Variants in BRD4 observed in about 807,000 individuals in gnomAD.
BRD4 encodes the protein bromodomain-containing protein 4.
Under a neutral mutation model 142.1 loss-of-function variants are expected in BRD4, and 16 were observed. The observed-to-expected ratio is 0.11, with a 90% CI of 0.08 to 0.17. The LOEUF (loss-of-function observed/expected upper bound fraction) is 0.17. Among genes scored for constraint, BRD4 ranks in the 10% least tolerant of loss-of-function variants. BRD4 has a pLI of 1.00. For missense variants in BRD4, 1,424 were observed against 1,810.9 expected (o/e 0.79, Z 3.88); for synonymous variants, 833 against 707.5 (o/e 1.18, Z -2.82).
At position 15,238,261 on chromosome 19, in the gene BRD4, A is replaced by G; in HGVS notation, c.*116T>C. 6.6e-7 allele frequency: 1 copy of G among 1,513,950 alleles called. No homozygotes were observed. 93.8% of individuals were successfully genotyped at this position (1,513,950 alleles called of 1,614,324 possible). ...GCCTGCCCCGGGCATAGCATGCAGGAGGGCCAGGCCCTGAGGCATCCCCTG... is the reference window on the plus strand; with the variant it reads ...GCCTGCCCCGGGCATAGCATGCAGGGGGGCCAGGCCCTGAGGCATCCCCTG... On this transcript the variant is annotated 3_prime_UTR_variant, in exon 20 of 20. Coordinates refer to ENST00000679869, the MANE Select transcript of BRD4 (RefSeq NM_001379291.1). This position sits in a 1 kb window ranked among gnomAD's most constrained non-coding sequence, Gnocchi z 7.2.
intron 7 of BRD4, chr19:15,257,433 G>A: frequency 1.9e-6 from 1 of 523,870 alleles, no homozygotes; most frequent in East Asian, 3.2e-5. Context: ...CTCCCTGGAG[G>A]ACACCGCCCA....
chr19:15,301,733 C>T (rs978126580), intron 1 of BRD4, among the ~76,000 whole-genome samples: 28 of 151,380 alleles, frequency 1.8e-4, no homozygotes, highest in Admixed American at 1.1e-3. Context: ...TGGTGGTGGG[C>T]GCCTGTAGTC....
rs768748387 is a variant in BRD4 at position 15,244,533 on chromosome 19, G to A, written c.2279C>T (p.Pro760Leu). The change falls in exon 13 of 20, where the codon CCT becomes CTT. Residue 760 changes from proline (P) to leucine (L), a missense_variant. Transcript: ENST00000679869. ...PAPVPQQPPP[P>L]PQQPPPPPPP... is the part of the protein sequence containing the mutation. ...TGGAGGCGGTGGGGGCTGCTGGGGAGGCGGGGGCGGCTGCTGGGGCACAGG... is the reference window on the plus strand; with the variant it reads ...TGGAGGCGGTGGGGGCTGCTGGGGAAGCGGGGGCGGCTGCTGGGGCACAGG... 30 of 1,573,868 alleles carry A rather than the reference G, an allele frequency of 1.9e-5. No individual in the cohort carries two copies. The highest frequency in any genetic ancestry group is 4.6e-5 in the East Asian group (2 of 43,436).
chr19:15,293,608 C>T (rs1282199939), intron 1 of BRD4, among the ~76,000 whole-genome samples: 2 of 152,144 alleles, frequency 1.3e-5, no homozygotes, highest in Non-Finnish European at 2.9e-5. Context: ...CCCAAGCTAG[C>T]GACCCGGAAG....
intron 11 of BRD4, among the ~76,000 whole-genome samples, chr19:15,251,967 C>T (rs1208619077): frequency 6.6e-6 from 1 of 152,250 alleles, no homozygotes; most frequent in Non-Finnish European, 1.5e-5. Context: ...GCCTGGGAGC[C>T]AGCGGCTCTG....
At chr19:15,241,759 AGCTT>A (rs1054304275) in intron 14 of BRD4, among the ~76,000 whole-genome samples, 13 of 150,690 alleles carry the variant, frequency 8.6e-5, no homozygotes, top group Non-Finnish European at 1.6e-4. Flanking sequence ...GAGGACAGGC[AGCTT>A]GTTCTTGGCT....
At chr19:15,316,155 CAAAAAAAAA>C (rs980486654) in intron 1 of BRD4, among the ~76,000 whole-genome samples, 3 of 33,054 alleles carry the variant, frequency 9.1e-5, no homozygotes, top group Non-Finnish European at 1.7e-4. Context: ...GACACCGTCT[CAAAAAAAAA>C]AAAAAAAAAA....
rs199890542 is a variant in BRD4, at chr19:15,244,592, A to G, written c.2220T>C (p.His740=). Reference sequence around the variant, plus strand: ...CCTGCTGCATCTGCTGATGGTGGTGATGATGGTGCTGCAGACAGAGAGACA... The same window carrying G: ...CCTGCTGCATCTGCTGATGGTGGTGGTGATGGTGCTGCAGACAGAGAGACA... ...HPGREQKKHH[H]HHHQQMQQAP... Residue 740 remains histidine (H), a synonymous_variant, in exon 13 of 20, where the codon CAT becomes CAC. Transcript: ENST00000679869. 13 of 1,610,992 alleles carry G rather than the reference A, an allele frequency of 8.1e-6. No homozygotes were observed. The highest frequency in any genetic ancestry group is 1.6e-4 in the Middle Eastern group (1 of 6,084).
At chr19:15,331,125 C>A (rs1362709112) in intron 1 of BRD4, among the ~76,000 whole-genome samples, 1 of 151,930 alleles carries the variant, frequency 6.6e-6, no homozygotes, top group Non-Finnish European at 1.5e-5. Context: ...CCAGGCTGCA[C>A]GAAACGTAAA....
Position 15,237,245 on chromosome 19 carries a change from T to TGG in BRD4, c.*1130_*1131dup, listed in dbSNP as rs796315339. 1,074 of 23,798 alleles carry TGG rather than the reference T, an allele frequency of 0.045. 46 individuals carry two copies. The highest frequency in any genetic ancestry group is 0.066 in the South Asian group (16 of 242). The allele number at this position is 23,798 out of a possible 1,614,324, so 1.5% of individuals were successfully genotyped here. On this transcript the variant is annotated 3_prime_UTR_variant, in exon 20 of 20. Coordinates refer to ENST00000679869, the MANE Select transcript of BRD4 (RefSeq NM_001379291.1). ...AAAAACAAAAAAGCCAACAAATGGGTGGGGGGGGGGGGGGTGGAGGGGAAA... is the reference window on the plus strand; with the variant it reads ...AAAAACAAAAAAGCCAACAAATGGGTGGGGGGGGGGGGGGGGTGGAGGGGAAA...
chr19:15,314,238 C>T (rs903330140), intron 1 of BRD4, among the ~76,000 whole-genome samples: 5 of 152,162 alleles, frequency 3.3e-5, no homozygotes, highest in South Asian at 4.2e-4. Context: ...AGGGTGTGGA[C>T]GCATAGAATG....
rs755814135 is a variant in BRD4, at chr19:15,307,832, C to T, written c.-35+24458G>A. Among the ~76,000 whole-genome samples the T allele has an allele frequency of 7.2e-5, 11 of 152,170 alleles. No individual in the cohort carries two copies. The South Asian group carries it at 1.5e-3, about 20-fold the overall frequency. ...TAAGAAGGGGTGAACCAGCCCAGGT[C>T]GGCCAGATGTGGTGGCTCACACTTG... On this transcript the variant is annotated intron_variant, in intron 1 of 19. Coordinates refer to ENST00000679869, the MANE Select transcript of BRD4 (RefSeq NM_001379291.1).
intron 1 of BRD4, among the ~76,000 whole-genome samples, chr19:15,327,782 G>T (rs2048121595): frequency 6.6e-6 from 1 of 151,012 alleles, no homozygotes; most frequent in African/African-American, 2.4e-5. Context: ...GGCACAAAAG[G>T]TTACATATTG....
intron 6 of BRD4, 186 bp downstream of exon 6, chr19:15,264,218 A>G: frequency 1.4e-6 from 1 of 708,776 alleles, no homozygotes; most frequent in Non-Finnish European, 2.2e-6. Flanking sequence ...GCCAAGCACC[A>G]GGTCTCAGAG....
At chr19:15,301,905 G>A (rs985179208) in intron 1 of BRD4, among the ~76,000 whole-genome samples, 2 of 146,020 alleles carry the variant, frequency 1.4e-5, no homozygotes, top group East Asian at 4.1e-4. Flanking sequence ...TGAGTCTCAC[G>A]CCTATGGTCC....
In BRD4 at chr19:15,255,421, C is replaced by T. The variant is rs760655613; in HGVS notation, c.1923G>A (p.Glu641=). 34 of 1,614,112 alleles carry T rather than the reference C, an allele frequency of 2.1e-5. 1 individual carries two copies. In the South Asian group the frequency reaches 3.5e-4, roughly 17 times the overall value. The part of the protein sequence containing the change: ...GRVVHIIQSR[E]PSLKNSNPDE... The stretch of plus-strand genomic sequence containing the variant: ...CGGGGTTGGAATTCTTCAGGGAGGG[C>T]TCCCGTGACTGGATGATGTGCACCA... The change falls in exon 10 of 20, where the codon GAG becomes GAA. Residue 641 remains glutamate (E), a synonymous_variant. Transcript: ENST00000679869.
At chr19:15,306,462 G>A (rs1285857537) in intron 1 of BRD4, among the ~76,000 whole-genome samples, 2 of 151,984 alleles carry the variant, frequency 1.3e-5, no homozygotes, top group Non-Finnish European at 2.9e-5. Flanking sequence ...ATGAAGACGA[G>A]GCCTCACTAT....
chr19:15,239,029 TC>T lies in BRD4; in HGVS notation c.3782+29del. On this transcript the variant is annotated intron_variant, in intron 18 of 19. Transcript: ENST00000679869. This position sits in a 1 kb window ranked among gnomAD's most constrained non-coding sequence, Gnocchi z 7.4. The stretch of plus-strand genomic sequence containing the variant: ...CTGGGGACTGGTGTGGCCCCAAGAG[TC>T]CCCATGCCCCACCCAGACACCCGCC... 6.3e-7 allele frequency: 1 copy of T among 1,576,978 alleles called. No individual in the cohort carries two copies.
At chr19:15,321,954 A>G (rs1338444132) in intron 1 of BRD4, among the ~76,000 whole-genome samples, 3 of 152,198 alleles carry the variant, frequency 2.0e-5, no homozygotes, top group Admixed American at 6.5e-5. Context: ...ACCTGCTACT[A>G]GAAAGCATAT....
Sources: allele counts gnomAD v4.1 joint callset (sites outside exome capture counted in the v4.1 genomes callset), GRCh38; gene constraint gnomAD v4.1.1; non-coding constraint Gnocchi (gnomAD v3.1); transcripts MANE v1.5; gene names NCBI Gene and HGNC (gene_info 2026-07-23, HGNC 2026-07-21).